HS2ST1: variants seen among roughly 807,000 people sequenced by gnomAD.
HS2ST1 encodes heparan sulfate 2-O-sulfotransferase 1, also known as 2-O-sulfotransferase.
In HS2ST1, 18 loss-of-function variants were observed where a neutral mutation model predicts 42.9. The observed-to-expected ratio is 0.42, with a 90% CI of 0.29 to 0.62. The LOEUF is 0.62. Among genes scored for constraint, HS2ST1 ranks in the 20% least tolerant of loss-of-function variants. The pLI, the probability that HS2ST1 is intolerant of heterozygous loss-of-function variation, is 0.21. For synonymous variants in HS2ST1, 146 were observed against 152.9 expected, an observed-to-expected ratio of 0.95 and a Z score of 0.33; for missense variants, 334 against 433.8, an observed-to-expected ratio of 0.77 and a Z score of 2.04.
intron 1 of HS2ST1, among the ~76,000 whole-genome samples, chr1:87,039,218 C>T (rs1650460369): frequency 6.6e-6 from 1 of 152,176 alleles, no homozygotes; most frequent in South Asian, 2.1e-4. Context: ...AAATACAGGG[C>T]TTGCTAAAAG....
At chr1:86,973,288 C>CT (rs1381669539) in intron 1 of HS2ST1, among the ~76,000 whole-genome samples, 8 of 148,222 alleles carry the variant, frequency 5.4e-5, no homozygotes, top group African/African-American at 1.5e-4. Flanking sequence ...TCAATCTTTC[C>CT]TTTTTTTTGG....
At chr1:87,002,322 A>G (rs933743357) in intron 1 of HS2ST1, among the ~76,000 whole-genome samples, 2 of 152,154 alleles carry the variant, frequency 1.3e-5, no homozygotes, top group Admixed American at 6.5e-5. Context: ...GCCAGGCGCC[A>G]TGGCTCACGC....
intron 1 of HS2ST1, among the ~76,000 whole-genome samples, chr1:86,987,468 C>G (rs1380992668): frequency 1.3e-5 from 2 of 152,146 alleles, no homozygotes; most frequent in Non-Finnish European, 2.9e-5. Flanking sequence ...GCTAAAGGAG[C>G]AGGTTGAGCT....
chr1:86,939,364 G>C (rs971449760), intron 1 of HS2ST1, among the ~76,000 whole-genome samples: 2 of 152,040 alleles, frequency 1.3e-5, no homozygotes, highest in African/African-American at 2.4e-5. Context: ...ATTTGTTTTT[G>C]TAGTGGGAAA....
At chr1:87,102,793 G>A (rs901602448) in intron 5 of HS2ST1, among the ~76,000 whole-genome samples, 4 of 152,040 alleles carry the variant, frequency 2.6e-5, no homozygotes, top group Admixed American at 2.6e-4. Flanking sequence ...AATTGAGAAA[G>A]GTGAAGCCAC....
chr1:87,011,703 T>C (rs970604617), intron 1 of HS2ST1, among the ~76,000 whole-genome samples: 2 of 152,230 alleles, frequency 1.3e-5, no homozygotes, highest in Admixed American at 1.3e-4. Context: ...CAGCATAATT[T>C]AAATCTTAAT....
chr1:86,932,281 A>G (rs1660560649), intron 1 of HS2ST1: 1 of 152,284 alleles, frequency 6.6e-6, no homozygotes, highest in African/African-American at 2.4e-5. Context: ...GAGTAAAAAG[A>G]TAAGAGACTG....
In HS2ST1 at chr1:87,064,981, C is replaced by CT. The variant is rs1651212017; in HGVS notation, c.125-7951dup. Among the ~76,000 whole-genome samples the CT allele has an allele frequency of 4.6e-5, 7 of 152,246 alleles. No individual in the cohort carries two copies. In the South Asian group the frequency reaches 1.5e-3, roughly 32 times the overall value. On this transcript the variant is annotated intron_variant, in intron 1 of 6. Transcript: ENST00000370550. The stretch of plus-strand genomic sequence containing the variant: ...CGCACCTGGCCAGGCTAACAATACT[C>CT]TTAAGAAAATAGTGTATACAGTCAG...
chr1:87,058,917 G>A (rs1651046332), intron 1 of HS2ST1, among the ~76,000 whole-genome samples: 1 of 151,668 alleles, frequency 6.6e-6, no homozygotes, highest in Non-Finnish European at 1.5e-5. Context: ...AAATTAGCCA[G>A]GCGTGGTAGC....
intron 5 of HS2ST1, among the ~76,000 whole-genome samples, chr1:87,101,326 C>T (rs1311745606): frequency 6.6e-6 from 1 of 151,596 alleles, no homozygotes; most frequent in African/African-American, 2.4e-5. Context: ...CCACCATGCC[C>T]AGCTAATTTT....
intron 1 of HS2ST1, among the ~76,000 whole-genome samples, chr1:86,997,500 A>G (rs1312971973): frequency 5.1e-5 from 1 of 19,554 alleles, no homozygotes; most frequent in Non-Finnish European, 1.1e-4. Context: ...TTAAAAGCTA[A>G]AGATGAGAGA....
At chr1:87,084,161 A>C in intron 2 of HS2ST1, 33 bp from the exon 3 acceptor site, 1 of 1,294,916 alleles carries the variant, frequency 7.7e-7, no homozygotes, top group South Asian at 1.5e-5. Flanking sequence ...TTTTCTTTAA[A>C]TTGTATATAA....
chr1:87,058,788 G>T (rs888982949), intron 1 of HS2ST1, among the ~76,000 whole-genome samples: 2 of 151,604 alleles, frequency 1.3e-5, no homozygotes, highest in Non-Finnish European at 2.9e-5. Flanking sequence ...TTGGCTGGGT[G>T]CGGTGGCTCA....
rs527843207 is a variant in HS2ST1, at chr1:87,073,512, G to A, written c.363+340G>A. ...AAAATTATTGTCTCAACTTATGATG[G>A]AGAAATATTTGATGGATACTTGTAT... On this transcript the variant is annotated intron_variant, in intron 2 of 6. Transcript: ENST00000370550. 2.6e-5 allele frequency among the ~76,000 whole-genome samples: 4 copies of A among 152,132 alleles called. No individual in the cohort carries two copies. The East Asian group carries it at 5.8e-4, about 22-fold the overall frequency.
chr1:87,070,758 AGT>A (rs1651381868), intron 1 of HS2ST1, among the ~76,000 whole-genome samples: 2 of 152,272 alleles, frequency 1.3e-5, no homozygotes, highest in Admixed American at 6.5e-5. Context: ...GCTTCTTTAA[AGT>A]CTCTCCTGGC....
At chr1:87,029,784 G>C (rs1557521036) in intron 1 of HS2ST1, among the ~76,000 whole-genome samples, 1 of 152,134 alleles carries the variant, frequency 6.6e-6, no homozygotes, top group Non-Finnish European at 1.5e-5. Flanking sequence ...AAAATGACTA[G>C]AAAAATTTAT....
intron 1 of HS2ST1, among the ~76,000 whole-genome samples, chr1:87,026,324 G>A (rs1163729135): frequency 3.3e-5 from 5 of 152,170 alleles, no homozygotes; most frequent in African/African-American, 1.2e-4. Flanking sequence ...TAAAAATATG[G>A]TAGGATCATA....
intron 1 of HS2ST1, among the ~76,000 whole-genome samples, chr1:87,032,691 A>G (rs11161926): frequency 0.034 from 5,236 of 152,214 alleles, 182 homozygotes; most frequent in African/African-American, 0.088. Flanking sequence ...AGTCCTGCTT[A>G]TTATCTACCT....
At chr1:86,931,595 G>A (rs1315016096) in intron 1 of HS2ST1, among the ~76,000 whole-genome samples, 10 of 152,076 alleles carry the variant, frequency 6.6e-5, no homozygotes, top group Admixed American at 6.6e-4. Context: ...TTGGGAAGAT[G>A]AGGCATCTAG....
Sources: gnomAD v4.1 joint callset for allele counts (sites outside exome capture counted in the v4.1 genomes callset) on GRCh38, gnomAD v4.1.1 for gene constraint, MANE v1.5 for transcripts, NCBI Gene and HGNC (gene_info 2026-07-23, HGNC 2026-07-21) for gene names.